USP42: variants seen among roughly 807,000 people sequenced by gnomAD.
USP42 encodes ubiquitin carboxyl-terminal hydrolase 42.
A neutral mutation model predicts 113.0 loss-of-function variants in USP42; 23 were observed. The ratio of observed to expected loss-of-function variants is 0.20; its 90% CI spans 0.15 to 0.29. The LOEUF (loss-of-function observed/expected upper bound fraction) is 0.29, where lower values mean the gene tolerates loss of function less well. Ranked by LOEUF, USP42 falls within the 10% of genes least tolerant of loss-of-function variation. USP42 has a pLI of 1.00. For missense variants in USP42, 2,174 were observed against 1,779.8 expected, an observed-to-expected ratio of 1.22 and a Z score of -3.99; for synonymous variants, 933 against 699.0, an observed-to-expected ratio of 1.33 and a Z score of -5.28.
the USP42 span, among the ~76,000 whole-genome samples, chr7:6,087,340 CT>C: frequency 0.013 from 1,511 of 116,488 alleles, 5 homozygotes; most frequent in Middle Eastern, 0.03. Flanking sequence ...CTAAGCGCTT[CT>C]TTTTTTTTTT....
At chr7:6,100,206 T>A (rs574927092), upstream of USP42, among the ~76,000 whole-genome samples, 1 of 150,522 alleles carries the variant, frequency 6.6e-6, no homozygotes. Flanking sequence ...ACCAGAGAGA[T>A]TGAATAAGCC....
At chr7:6,119,428 G>A (rs770094962) in intron 3 of USP42, among the ~76,000 whole-genome samples, 1 of 152,142 alleles carries the variant, frequency 6.6e-6, no homozygotes, top group African/African-American at 2.4e-5. Flanking sequence ...CCATTATTGT[G>A]CAGGTACGCT....
At position 6,153,844 on chromosome 7, in the gene USP42, G is replaced by A; in HGVS notation, c.2290G>A (p.Asp764Asn). 6.5e-7 allele frequency: 1 copy of A among 1,546,496 alleles called. No individual in the cohort carries two copies. ...CGCCGCCGAATCCCTGGAGGAGCCA[G>A]ATGCGGCCGCCGGCCTCAGCAGCAC... ...SPAAESLEEPDAAAGLSSTKK... is the reference protein window; with the variant it reads ...SPAAESLEEPNAAAGLSSTKK... Residue 764 changes from aspartate (D) to asparagine (N), a missense_variant, in exon 15 of 18, where the codon GAT (aspartate) becomes AAT (asparagine). By Grantham distance (23) the Asp-to-Asn change is conservative. Coordinates refer to ENST00000306177, the MANE Select transcript of USP42 (RefSeq NM_032172.3).
intron 7 of USP42, among the ~76,000 whole-genome samples, chr7:6,142,368 C>T (rs1396325052): frequency 6.6e-6 from 1 of 152,018 alleles, no homozygotes; most frequent in Non-Finnish European, 1.5e-5. Flanking sequence ...AGGCGCGTGC[C>T]ACTGTGCCCT....
chr7:6,145,024 G>T (rs1781634799), intron 9 of USP42, among the ~76,000 whole-genome samples: 1 of 152,138 alleles, frequency 6.6e-6, no homozygotes, highest in Non-Finnish European at 1.5e-5. Context: ...TATCCTCCCG[G>T]TTAACCATGC....
chr7:6,135,651 C>CAAAAAA (rs1173165919), intron 3 of USP42, among the ~76,000 whole-genome samples, 190 bp from the exon 4 acceptor site: 1 of 16,158 alleles, frequency 6.2e-5, no homozygotes. Context: ...GACTCCATCT[C>CAAAAAA]AAAAAAAAAA....
chr7:6,097,362 TCTAAAATTAGGTCC>T, the USP42 span, among the ~76,000 whole-genome samples: 1 of 149,218 alleles, frequency 6.7e-6, no homozygotes, highest in East Asian at 2.0e-4. Flanking sequence ...ATTCATGGCA[TCTAAAATTAGGTCC>T]CTGTGGGTCC....
At chr7:6,129,932 A>G (rs1780758567) in intron 3 of USP42, among the ~76,000 whole-genome samples, 1 of 151,560 alleles carries the variant, frequency 6.6e-6, no homozygotes, top group African/African-American at 2.4e-5. Context: ...TTTTTGTTTG[A>G]GAAATTCTTA....
chr7:6,092,334 A>G, the USP42 span, among the ~76,000 whole-genome samples: 1 of 149,386 alleles, frequency 6.7e-6, no homozygotes, highest in African/African-American at 2.5e-5. Flanking sequence ...ACCTCCCACC[A>G]CACCCAGCTA....
In USP42 at chr7:6,161,467, T is replaced by A. The variant is rs1002660898; in HGVS notation, c.*949T>A. On this transcript the variant is annotated 3_prime_UTR_variant, in exon 18 of 18. Transcript: ENST00000306177. ...TTGTGTTGTTCAGAGATGTTTAAAG[T>A]TTGATCTTTGTTTTTCTAAAGATTA... is the stretch of plus-strand genomic sequence containing the variant. The A allele has an allele frequency of 2.0e-5, 3 of 152,622 alleles. No individual in the cohort carries two copies. Among genetic ancestry groups the A allele is most frequent in the Non-Finnish European group, 4.4e-5 (3 of 68,042 alleles). The allele number at this position is 152,622 out of a possible 1,614,324, so 9.5% of individuals were successfully genotyped here.
At chr7:6,111,873 G>C (rs1473094775) in intron 2 of USP42, 1 of 152,538 alleles carries the variant, frequency 6.6e-6, no homozygotes, top group Non-Finnish European at 1.5e-5. Context: ...TCAGCGTCCT[G>C]AAGTGCTGGG....
chr7:6,086,076 C>T, the USP42 span, among the ~76,000 whole-genome samples: 748 of 150,280 alleles, frequency 5.0e-3, 50 homozygotes, highest in African/African-American at 0.018. Flanking sequence ...CTGACTCTCA[C>T]CCAGGTTGGT....
chr7:6,127,193 C>G (rs187003299), intron 3 of USP42, among the ~76,000 whole-genome samples: 2 of 152,132 alleles, frequency 1.3e-5, no homozygotes, highest in Non-Finnish European at 2.9e-5. Flanking sequence ...GTTGTACTGT[C>G]AAGTTTTGAG....
intron 9 of USP42, 97 bp from the exon 10 acceptor site, chr7:6,145,419 G>C: frequency 7.0e-7 from 1 of 1,437,140 alleles, no homozygotes; most frequent in East Asian, 2.3e-5. Flanking sequence ...GTGTTCTGTG[G>C]GTCTCCCCTC....
Position 6,157,714 on chromosome 7 carries a change from C to G in USP42, c.3943+659C>G, listed in dbSNP as rs558423274. ...TAAACCTGTAGCATTCTGAGTGCAC[C>G]CTGATGCTCGGTACTGATTTGCTCG... On this transcript the variant is annotated intron_variant, in intron 16 of 17. Coordinates refer to ENST00000306177, the MANE Select transcript of USP42 (RefSeq NM_032172.3). The surrounding 1 kb of genome is among the most constrained non-coding windows in gnomAD (Gnocchi z 4.1). Among the ~76,000 whole-genome samples the G allele has an allele frequency of 2.3e-4, 35 of 152,276 alleles. No individual in the cohort carries two copies. The highest frequency in any genetic ancestry group is 7.5e-4 in the African/African-American group (31 of 41,560).
chr7:6,142,213 T>C (rs1307393370), intron 7 of USP42, among the ~76,000 whole-genome samples: 1 of 142,568 alleles, frequency 7.0e-6, no homozygotes, highest in Non-Finnish European at 1.5e-5. Context: ...AAATTTTGTT[T>C]CTTTTTTCTT....
chr7:6,147,917 AT>A, intron 12 of USP42, 25 bp downstream of exon 12: 2 of 1,564,842 alleles, frequency 1.3e-6, no homozygotes, highest in South Asian at 1.2e-5. Flanking sequence ...GGAGAAGAAC[AT>A]TTTTATGTTA....
chr7:6,141,797 T>A (rs1781446917), intron 7 of USP42, among the ~76,000 whole-genome samples: 1 of 152,244 alleles, frequency 6.6e-6, no homozygotes. Flanking sequence ...TAATACATGC[T>A]TATGATAAAA....
chr7:6,086,549 C>T, the USP42 span, among the ~76,000 whole-genome samples: 9 of 150,704 alleles, frequency 6.0e-5, no homozygotes, highest in Admixed American at 5.9e-4. Flanking sequence ...TAGTTTTCAC[C>T]ATGTTGGCCA....
Sources: allele counts gnomAD v4.1 joint callset (sites outside exome capture counted in the v4.1 genomes callset), GRCh38; gene constraint gnomAD v4.1.1; non-coding constraint Gnocchi (gnomAD v3.1); transcripts MANE v1.5; gene names NCBI Gene and HGNC (gene_info 2026-07-23, HGNC 2026-07-21).